Variants in FAM107A observed in about 807,000 individuals in gnomAD.
The protein encoded by FAM107A is family with sequence similarity 107 member A, also known as actin-associated protein FAM107A.
In FAM107A, 19 loss-of-function variants were observed where a neutral mutation model predicts 13.7. The observed-to-expected ratio is 1.38, with a 90% CI of 0.97 to 2.03. The LOEUF (loss-of-function observed/expected upper bound fraction) is 2.03, where lower values mean the gene tolerates loss of function less well. FAM107A is among the 30% of genes most tolerant of loss of function. The probability of loss-of-function intolerance (pLI) is 0.00; values close to 1 mark genes in which losing one functional copy is unlikely to be tolerated. For missense variants in FAM107A, 203 were observed against 184.4 expected (o/e 1.10, Z -0.58); for synonymous variants, 82 against 74.5 (o/e 1.10, Z -0.52).
intron 1 of FAM107A, among the ~76,000 whole-genome samples, chr3:58,595,134 C>G (rs140749625): frequency 1.3e-5 from 2 of 152,036 alleles, no homozygotes; most frequent in Non-Finnish European, 2.9e-5. Flanking sequence ...GTTCCCACAC[C>G]CCCCCAGTCC....
intron 1 of FAM107A, among the ~76,000 whole-genome samples, chr3:58,612,123 T>C (rs1442385773): frequency 3.9e-5 from 6 of 152,124 alleles, no homozygotes; most frequent in Non-Finnish European, 8.8e-5. Flanking sequence ...AACCCACCCA[T>C]GATCCTAAAA....
upstream of FAM107A, among the ~76,000 whole-genome samples, chr3:58,582,431 C>T (rs1329685064): frequency 6.6e-6 from 1 of 150,676 alleles, no homozygotes; most frequent in African/African-American, 2.4e-5. Flanking sequence ...ATGCTTTCCT[C>T]CCTTCCAGGA....
rs1433511407 is a variant in FAM107A at position 58,617,442 on chromosome 3, G to A, written c.-70+9974C>T. Among the ~76,000 whole-genome samples, 1 of 152,064 alleles carries A rather than the reference G, an allele frequency of 6.6e-6. No homozygotes were observed. Among genetic ancestry groups the A allele is most frequent in the African/African-American group, 2.4e-5 (1 of 41,406 alleles). ...CCGGATGTCACCTAGACCAAGCCAG[G>A]CTCTTCCAGCTTCCCTGTGGCAGCC... is the stretch of plus-strand genomic sequence containing the variant. On this transcript the variant is annotated intron_variant, in intron 1 of 3. Coordinates refer to the FAM107A transcript ENST00000465970. The surrounding 1 kb of genome is among the most constrained non-coding windows in gnomAD (Gnocchi z 4.5).
intron 1 of FAM107A, among the ~76,000 whole-genome samples, chr3:58,584,226 C>T (rs2065579185): frequency 6.6e-6 from 1 of 152,154 alleles, no homozygotes; most frequent in African/African-American, 2.4e-5. Context: ...TCGGTTTCCT[C>T]ATGTTTCCAA....
At chr3:58,621,391 C>G (rs892859326) in intron 1 of FAM107A, among the ~76,000 whole-genome samples, 1 of 152,124 alleles carries the variant, frequency 6.6e-6, no homozygotes, top group African/African-American at 2.4e-5. Flanking sequence ...TGGTTTAATG[C>G]TCTGCTGTTG....
chr3:58,619,471 T>G (rs906044338), intron 1 of FAM107A, among the ~76,000 whole-genome samples: 17 of 152,140 alleles, frequency 1.1e-4, no homozygotes, highest in African/African-American at 3.1e-4. Flanking sequence ...AAGAAGTTCT[T>G]TCAGTTCCTG....
chr3:58,578,035 G>A (rs2063744963), upstream of FAM107A, among the ~76,000 whole-genome samples: 1 of 152,182 alleles, frequency 6.6e-6, no homozygotes, highest in African/African-American at 2.4e-5. Flanking sequence ...CAGCCACTCA[G>A]TGTCTCTGTG....
intron 2 of FAM107A, 121 bp from the exon 3 acceptor site, chr3:58,567,485 C>T: frequency 9.0e-7 from 1 of 1,114,284 alleles, no homozygotes; most frequent in Middle Eastern, 3.0e-4. Flanking sequence ...TCCCTGTAGC[C>T]TTGGAGGTGG....
Position 58,605,298 on chromosome 3 carries a change from G to T in FAM107A, c.-69-16029C>A, listed in dbSNP as rs76123027. 1.6e-4 allele frequency among the ~76,000 whole-genome samples: 24 copies of T among 152,336 alleles called. No individual in the cohort carries two copies. In the East Asian group the frequency reaches 4.6e-3, roughly 29 times the overall value. On this transcript the variant is annotated intron_variant, in intron 1 of 3. Transcript: ENST00000465970. ...CTCTCTGGTAAGTCTCAGATAGTCT[G>T]ACCCTGTGCCTGCAAATCCCAGTCC...
At chr3:58,596,894 T>C (rs1159996991) in intron 1 of FAM107A, among the ~76,000 whole-genome samples, 1 of 152,266 alleles carries the variant, frequency 6.6e-6, no homozygotes, top group Non-Finnish European at 1.5e-5. Flanking sequence ...TTCTGGCCTC[T>C]GTCACTACAG....
rs75952187 is a variant in FAM107A at position 58,625,771 on chromosome 3, T to C, written c.-70+1645A>G. ...GGCCACCCTGCAGGCTGCAACCCTT[T>C]ATGAGAAATAAAGCTCCTCTTTCCA... On this transcript the variant is annotated intron_variant, in intron 1 of 3. Coordinates refer to the FAM107A transcript ENST00000465970. Among the ~76,000 whole-genome samples, 541 of 152,342 alleles carry C rather than the reference T, an allele frequency of 3.6e-3. 2 individuals are homozygous for C. Among genetic ancestry groups the C allele is most frequent in the African/African-American group, 0.012 (512 of 41,576 alleles).
intron 1 of FAM107A, among the ~76,000 whole-genome samples, chr3:58,621,239 T>G (rs1263886726): frequency 6.6e-6 from 1 of 152,114 alleles, no homozygotes; most frequent in Non-Finnish European, 1.5e-5. Context: ...AGCATACGTG[T>G]TTGCGCCTGA....
chr3:58,623,081 C>G (rs2065974001), intron 1 of FAM107A, among the ~76,000 whole-genome samples: 1 of 152,188 alleles, frequency 6.6e-6, no homozygotes, highest in African/African-American at 2.4e-5. Flanking sequence ...CCCTGAGCAC[C>G]AGGCAGGCCC....
At chr3:58,586,793 C>A in intron 1 of FAM107A, 3 of 1,455,372 alleles carry the variant, frequency 2.1e-6, no homozygotes, top group South Asian at 1.3e-5. Flanking sequence ...AGGGACTGAG[C>A]GCCGTGCACC....
chr3:58,612,408 C>T (rs115851569), intron 1 of FAM107A, among the ~76,000 whole-genome samples: 2,211 of 152,054 alleles, frequency 0.015, 28 homozygotes, highest in African/African-American at 0.024. Flanking sequence ...CGTGATAACT[C>T]GTCTCTACAA....
At chr3:58,588,075 G>A (rs1024454702), upstream of FAM107A, among the ~76,000 whole-genome samples, 13 of 152,198 alleles carry the variant, frequency 8.5e-5, no homozygotes, top group African/African-American at 3.1e-4. Flanking sequence ...CAACAGCCCT[G>A]AAGGGTGGGT....
intron 1 of FAM107A, chr3:58,609,174 G>T (rs2065829039): frequency 6.6e-6 from 1 of 152,190 alleles, no homozygotes; most frequent in Admixed American, 6.5e-5. Context: ...AGAGATGGCA[G>T]GTATAGGTCC....
intron 1 of FAM107A, among the ~76,000 whole-genome samples, chr3:58,596,062 A>G (rs947029630): frequency 6.6e-6 from 1 of 152,240 alleles, no homozygotes; most frequent in Admixed American, 6.5e-5. Flanking sequence ...ATATGCCCCA[A>G]TACAACTGGG....
At position 58,569,913 on chromosome 3, in the gene FAM107A, A is replaced by C; in HGVS notation, c.-5-48T>G. On this transcript the variant is annotated intron_variant, in intron 1 of 3. Transcript: ENST00000360997. The surrounding 1 kb of genome is among the most constrained non-coding windows in gnomAD (Gnocchi z 5.7). ...AGCTCAGAGCTGAGCCTATAATCTC[A>C]CCCTGCCCCATGGGACACAGTTGAA... 74 of 1,559,792 alleles carry C rather than the reference A, an allele frequency of 4.7e-5. No individual in the cohort carries two copies. The highest frequency in any genetic ancestry group is 6.3e-5 in the Non-Finnish European group (72 of 1,148,918).
Sources: allele counts gnomAD v4.1 joint callset (sites outside exome capture counted in the v4.1 genomes callset), GRCh38; gene constraint gnomAD v4.1.1; non-coding constraint Gnocchi (gnomAD v3.1); transcripts MANE v1.5; gene names NCBI Gene and HGNC (gene_info 2026-07-23, HGNC 2026-07-21).